GRM7: variants seen among roughly 807,000 people sequenced by gnomAD.
GRM7 encodes metabotropic glutamate receptor 7.
GRM7 carries 35 observed loss-of-function variants against 84.5 expected under a neutral mutation model. The ratio of observed to expected loss-of-function variants is 0.41; its 90% CI spans 0.32 to 0.55. The LOEUF (loss-of-function observed/expected upper bound fraction) is 0.55. Among genes scored for constraint, GRM7 ranks in the 20% least tolerant of loss-of-function variants. GRM7 has a pLI of 0.19. For synonymous variants in GRM7, 487 were observed against 455.1 expected, an observed-to-expected ratio of 1.07 and a Z score of -0.89; for missense variants, 1,003 against 1,194.6, an observed-to-expected ratio of 0.84 and a Z score of 2.36.
At chr3:6,953,066 T>C (rs6443077) in intron 1 of GRM7, among the ~76,000 whole-genome samples, 4,161 of 152,320 alleles carry the variant, frequency 0.027, 193 homozygotes, top group African/African-American at 0.095. Context: ...TTTTAGTGAC[T>C]GAACGTGAAG....
At chr3:7,524,916 C>A (rs1700731497) in intron 7 of GRM7, among the ~76,000 whole-genome samples, 1 of 127,338 alleles carries the variant, frequency 7.9e-6, no homozygotes, top group African/African-American at 3.4e-5. Context: ...ACATATATAC[C>A]ATAGAATACT....
At position 7,189,163 on chromosome 3, in the gene GRM7, T is replaced by C. The variant is rs142300414; in HGVS notation, c.736+42495T>C. 2.6e-5 allele frequency among the ~76,000 whole-genome samples: 4 copies of C among 152,318 alleles called. No homozygotes were observed. In the East Asian group the frequency reaches 7.7e-4, roughly 29 times the overall value. ...TTATATATTGAGATACAAATGTATG[T>C]ATATATGTGGACATGTATGCATGTA... On this transcript the variant is annotated intron_variant, in intron 2 of 9. Coordinates refer to ENST00000357716, the MANE Select transcript of GRM7 (RefSeq NM_000844.4).
intron 3 of GRM7, among the ~76,000 whole-genome samples, chr3:7,300,863 G>T (rs1391266265): frequency 6.6e-6 from 1 of 151,994 alleles, no homozygotes; most frequent in Non-Finnish European, 1.5e-5. Flanking sequence ...GTAAAATTAG[G>T]GCAGAAATGA....
intron 2 of GRM7, among the ~76,000 whole-genome samples, chr3:7,218,162 A>C (rs1406455507): frequency 1.3e-5 from 2 of 152,146 alleles, no homozygotes; most frequent in Admixed American, 1.3e-4. Flanking sequence ...AATTGTTAGA[A>C]GTTCCATTGT....
At chr3:7,318,505 A>G (rs1362158505) in intron 4 of GRM7, among the ~76,000 whole-genome samples, 1 of 152,130 alleles carries the variant, frequency 6.6e-6, no homozygotes, top group African/African-American at 2.4e-5. Flanking sequence ...TGAAAGGGCC[A>G]TTAAGTTAGC....
At chr3:6,946,665 C>G (rs1017173243) in intron 1 of GRM7, among the ~76,000 whole-genome samples, 8 of 152,290 alleles carry the variant, frequency 5.3e-5, no homozygotes, top group African/African-American at 1.9e-4. Flanking sequence ...TGGCCATTTT[C>G]ATGATATTGA....
intron 1 of GRM7, among the ~76,000 whole-genome samples, chr3:7,070,778 T>C (rs1178967209): frequency 6.6e-6 from 1 of 151,860 alleles, no homozygotes; most frequent in Non-Finnish European, 1.5e-5. Flanking sequence ...GATTGAGGGG[T>C]GGAAGAACTG....
At chr3:7,381,582 C>T (rs1297464593) in intron 4 of GRM7, among the ~76,000 whole-genome samples, 1 of 152,010 alleles carries the variant, frequency 6.6e-6, no homozygotes. Context: ...AGATGTATAT[C>T]CAAAGAGCCG....
Position 7,238,996 on chromosome 3 carries a change from C to CTTTTTTTTTTTT in GRM7, c.737-59688_737-59687insTTTTTTTTTTTT, listed in dbSNP as rs567509392. ...TTCTTTTCCCTTTCTTTTCTTTTTT[C>CTTTTTTTTTTTT]CTTTTTCTTTTTTTTGACATGGTCT... is the stretch of plus-strand genomic sequence containing the variant. On this transcript the variant is annotated intron_variant, in intron 2 of 9. Transcript: ENST00000357716. Among the ~76,000 whole-genome samples, 3 of 118,356 alleles carry CTTTTTTTTTTTT rather than the reference C, an allele frequency of 2.5e-5. 1 individual carries two copies. Among genetic ancestry groups the CTTTTTTTTTTTT allele is most frequent in the Non-Finnish European group, 3.4e-5 (2 of 58,394 alleles). 77.6% of individuals were successfully genotyped at this position (118,356 alleles called of 152,430 possible). A position where few individuals can be genotyped will look rare whatever the true frequency, so the allele number is the denominator to read the frequency against.
chr3:7,159,452 G>A (rs1430859501), intron 2 of GRM7, among the ~76,000 whole-genome samples: 1 of 152,162 alleles, frequency 6.6e-6, no homozygotes, highest in Admixed American at 6.6e-5. Flanking sequence ...GAGCCTGGGA[G>A]GGAGATCAAG....
chr3:7,572,278 TG>T (rs1489466554), intron 7 of GRM7, among the ~76,000 whole-genome samples: 2 of 152,214 alleles, frequency 1.3e-5, no homozygotes, highest in Non-Finnish European at 2.9e-5. Context: ...AACACACTAA[TG>T]CCTATTTCTT....
chr3:7,354,050 G>A (rs948728555), intron 4 of GRM7, among the ~76,000 whole-genome samples: 1 of 151,868 alleles, frequency 6.6e-6, no homozygotes, highest in East Asian at 1.9e-4. Flanking sequence ...TTAGTGTTGA[G>A]TCAGCTTATA....
intron 8 of GRM7, among the ~76,000 whole-genome samples, chr3:7,666,128 G>A (rs1017171026): frequency 2.6e-5 from 4 of 152,188 alleles, no homozygotes; most frequent in African/African-American, 9.7e-5. Context: ...GAGCATCACG[G>A]AAGGAGAAAA....
At chr3:7,565,072 C>T (rs1275482345) in intron 7 of GRM7, among the ~76,000 whole-genome samples, 3 of 152,164 alleles carry the variant, frequency 2.0e-5, no homozygotes, top group Non-Finnish European at 4.4e-5. Flanking sequence ...ATATCAAGGA[C>T]ATTTAAGCTG....
At chr3:7,062,099 CCGCTAGAAACTG>C (rs1374025982) in intron 1 of GRM7, among the ~76,000 whole-genome samples, 1 of 151,492 alleles carries the variant, frequency 6.6e-6, no homozygotes, top group African/African-American at 2.4e-5. Context: ...TAAGCCCACT[CCGCTAGAAACTG>C]TTAAAAAAAT....
chr3:7,391,404 T>C (rs1694988876), intron 4 of GRM7, among the ~76,000 whole-genome samples: 1 of 152,154 alleles, frequency 6.6e-6, no homozygotes, highest in Non-Finnish European at 1.5e-5. Flanking sequence ...TTCATGTACT[T>C]TGTAGGGACA....
intron 1 of GRM7, among the ~76,000 whole-genome samples, chr3:6,991,700 T>C (rs1694642680): frequency 6.6e-6 from 1 of 152,218 alleles, no homozygotes; most frequent in Non-Finnish European, 1.5e-5. Context: ...GATATAAATA[T>C]ATATTGTGAA....
intron 1 of GRM7, among the ~76,000 whole-genome samples, chr3:7,140,541 G>A (rs1465259318): frequency 6.6e-6 from 1 of 151,898 alleles, no homozygotes; most frequent in Non-Finnish European, 1.5e-5. Context: ...CTGTGTCATA[G>A]GTTCTTTATT....
intron 1 of GRM7, among the ~76,000 whole-genome samples, chr3:6,938,227 A>G (rs940403546): frequency 6.6e-6 from 1 of 152,234 alleles, no homozygotes; most frequent in Admixed American, 6.5e-5. Flanking sequence ...TGGATTTCTC[A>G]AATGTATTAT....
Sources: allele counts gnomAD v4.1 joint callset (sites outside exome capture counted in the v4.1 genomes callset), GRCh38; gene constraint gnomAD v4.1.1; transcripts MANE v1.5; gene names NCBI Gene and HGNC (gene_info 2026-07-23, HGNC 2026-07-21).